Variants in TNIK observed in about 807,000 individuals in gnomAD.
The protein encoded by TNIK is TRAF2 and NCK interacting kinase, also known as TRAF2 and NCK-interacting protein kinase.
Under a neutral mutation model 191.3 loss-of-function variants are expected in TNIK, and 49 were observed. The observed-to-expected ratio is 0.26, with a 90% CI of 0.20 to 0.32. TNIK has a LOEUF of 0.32. TNIK is among the 10% of genes least tolerant of loss of function. The probability of loss-of-function intolerance (pLI) is 1.00; values close to 1 mark genes in which losing one functional copy is unlikely to be tolerated. For missense variants in TNIK, 1,155 were observed against 1,702.3 expected (o/e 0.68, Z 5.66); for synonymous variants, 594 against 600.9 (o/e 0.99, Z 0.17).
At chr3:171,277,270 T>C (rs1749860371) in intron 2 of TNIK, among the ~76,000 whole-genome samples, 1 of 152,180 alleles carries the variant, frequency 6.6e-6, no homozygotes, top group Non-Finnish European at 1.5e-5. Flanking sequence ...TTCTATTGTT[T>C]ATAAGTTATT....
chr3:171,083,693 C>T (rs1720966535), intron 26 of TNIK, among the ~76,000 whole-genome samples: 1 of 152,114 alleles, frequency 6.6e-6, no homozygotes, highest in African/African-American at 2.4e-5. Flanking sequence ...CACAAAAATA[C>T]TCTGGGCTGA....
intron 28 of TNIK, among the ~76,000 whole-genome samples, chr3:171,071,965 C>T (rs1285648399): frequency 1.3e-5 from 2 of 152,104 alleles, no homozygotes; most frequent in Non-Finnish European, 2.9e-5. Flanking sequence ...TGAGTCCCCA[C>T]AATGCTTTTG....
intron 2 of TNIK, chr3:171,346,947 AT>A (rs1247437285): frequency 1.9e-6 from 1 of 520,928 alleles, no homozygotes; most frequent in Admixed American, 3.5e-5. Flanking sequence ...TCAAATAAGC[AT>A]TTTAATATGA....
At chr3:171,164,379 T>C (rs949763363) in intron 10 of TNIK, among the ~76,000 whole-genome samples, 14 of 152,246 alleles carry the variant, frequency 9.2e-5, no homozygotes, top group African/African-American at 3.4e-4. Flanking sequence ...TGAAAAAGTA[T>C]GGGTCAATAA....
chr3:171,320,103 GCT>G (rs1755020184), intron 2 of TNIK, among the ~76,000 whole-genome samples: 1 of 152,104 alleles, frequency 6.6e-6, no homozygotes, highest in South Asian at 2.1e-4. Flanking sequence ...TCTTCCATTT[GCT>G]CTCTTATAAT....
intron 30 of TNIK, among the ~76,000 whole-genome samples, chr3:171,068,586 C>T (rs1718763509): frequency 6.6e-6 from 1 of 152,170 alleles, no homozygotes. Context: ...ATGTCATATT[C>T]ATTTTAATCT....
At chr3:171,064,938 C>T (rs1718235064) in intron 32 of TNIK, among the ~76,000 whole-genome samples, 1 of 152,134 alleles carries the variant, frequency 6.6e-6, no homozygotes, top group Admixed American at 6.5e-5. Context: ...AGTAATGCTA[C>T]TCTTAGGGTC....
rs180759401 is a variant in TNIK at position 171,147,805 on chromosome 3, C to T, written c.1222-7296G>A. 1.7e-3 allele frequency among the ~76,000 whole-genome samples: 265 copies of T among 152,254 alleles called. 6 individuals carry two copies. Among genetic ancestry groups the T allele is most frequent in the Admixed American group, 0.015 (226 of 15,298 alleles). ...CAGGCCAATATCTTGCCCAAGTTCACTCGGTTGGTAAGTGCGAGGCCAGGA... is the reference window on the plus strand; with the variant it reads ...CAGGCCAATATCTTGCCCAAGTTCATTCGGTTGGTAAGTGCGAGGCCAGGA... On this transcript the variant is annotated intron_variant, in intron 12 of 32. Coordinates refer to ENST00000436636, the MANE Select transcript of TNIK (RefSeq NM_015028.4).
chr3:171,167,158 G>C lies in TNIK; in HGVS notation c.886C>G (p.Arg296Gly), dbSNP rs1360135741. Residue 296 changes from arginine (R) to glycine (G), a missense_variant, in exon 10 of 33, where the codon CGA becomes GGA. Coordinates refer to ENST00000436636, the MANE Select transcript of TNIK (RefSeq NM_015028.4). ...TCCTTGAGTTGAATGCGGACCTGTC[G>C]CTCATTAGGTTGGTCTCGTATAAAT... The part of the protein sequence containing the change: ...HPFIRDQPNE[R>G]QVRIQLKDHI... The C allele has an allele frequency of 6.2e-7, 1 of 1,613,798 alleles. No individual in the cohort carries two copies. The highest frequency in any genetic ancestry group is 1.7e-5 in the Admixed American group (1 of 60,002).
At chr3:171,101,760 T>C (rs971439906) in intron 21 of TNIK, 127 bp from the exon 22 acceptor site, 4 of 832,362 alleles carry the variant, frequency 4.8e-6, no homozygotes, top group East Asian at 2.7e-5. Context: ...GTGACAAACA[T>C]AGTTACTGCA....
intron 2 of TNIK, among the ~76,000 whole-genome samples, chr3:171,311,049 A>G (rs1434454759): frequency 6.6e-6 from 1 of 152,148 alleles, no homozygotes; most frequent in African/African-American, 2.4e-5. Context: ...TACTCATTAA[A>G]ATTCTGGTGG....
At chr3:171,158,322 T>C (rs1576995095) in intron 11 of TNIK, among the ~76,000 whole-genome samples, 1 of 152,362 alleles carries the variant, frequency 6.6e-6, no homozygotes, top group East Asian at 1.9e-4. Flanking sequence ...ACCCAGCTCA[T>C]TGGTTCCTAG....
chr3:171,350,833 G>A (rs1187663108), intron 2 of TNIK, among the ~76,000 whole-genome samples: 2 of 152,128 alleles, frequency 1.3e-5, no homozygotes, highest in African/African-American at 4.8e-5. Context: ...ATGAAGCCTA[G>A]GTCTACCAAT....
At chr3:171,262,796 C>A (rs1747813169) in intron 2 of TNIK, among the ~76,000 whole-genome samples, 1 of 152,206 alleles carries the variant, frequency 6.6e-6, no homozygotes, top group South Asian at 2.1e-4. Flanking sequence ...CACACTATTT[C>A]TGGTTTTTGT....
In TNIK at chr3:171,167,213, T is replaced by A; in HGVS notation, c.831A>T (p.Arg277=). The stretch of plus-strand genomic sequence containing the variant: ...GCTTCATCAATTGTTCTGTTGCTGG[T>A]CGCTGGCTGTGATTCTTTACCAAGC... ...ESCLVKNHSQ[R]PATEQLMKHP... The change falls in exon 10 of 33, where the codon CGA becomes CGT. Residue 277 remains arginine (R), a synonymous_variant. Coordinates refer to ENST00000436636, the MANE Select transcript of TNIK (RefSeq NM_015028.4). 1 of 1,614,024 alleles carries A rather than the reference T, an allele frequency of 6.2e-7. No individual in the cohort carries two copies.
rs1293979312 is a variant in TNIK at position 171,340,574 on chromosome 3, C to T, written c.123+29046G>A. Among the ~76,000 whole-genome samples the T allele has an allele frequency of 2.0e-5, 3 of 152,166 alleles. No individual in the cohort carries two copies. In the East Asian group the frequency reaches 5.8e-4, roughly 29 times the overall value. ...TCAAGTCTTCTGAAGTGCCCTGCAT[C>T]GTGCCTTGTTGATTATACTTACTCG... On this transcript the variant is annotated intron_variant, in intron 2 of 32. Transcript: ENST00000436636.
At chr3:171,125,540 A>G (rs1180745967) in intron 17 of TNIK, among the ~76,000 whole-genome samples, 1 of 152,212 alleles carries the variant, frequency 6.6e-6, no homozygotes, top group African/African-American at 2.4e-5. Context: ...TGGATTTTCT[A>G]CTTTTTATCT....
At chr3:171,166,687 T>C (rs778597735) in intron 10 of TNIK, among the ~76,000 whole-genome samples, 13 of 152,208 alleles carry the variant, frequency 8.5e-5, no homozygotes, top group Non-Finnish European at 1.3e-4. Context: ...TCAGAGCACA[T>C]AAATTTAAAT....
intron 1 of TNIK, among the ~76,000 whole-genome samples, chr3:171,438,022 G>A (rs1177288748): frequency 6.6e-6 from 1 of 152,208 alleles, no homozygotes; most frequent in Non-Finnish European, 1.5e-5. Context: ...TTTTTAGAGT[G>A]CATAGAGCAG....
Sources: gnomAD v4.1 joint callset for allele counts (sites outside exome capture counted in the v4.1 genomes callset) on GRCh38, gnomAD v4.1.1 for gene constraint, MANE v1.5 for transcripts, NCBI Gene and HGNC (gene_info 2026-07-23, HGNC 2026-07-21) for gene names.